UBR7: variants seen among roughly 807,000 people sequenced by gnomAD.
The protein encoded by UBR7 is ubiquitin protein ligase E3 component n-recognin 7, also known as putative E3 ubiquitin-protein ligase UBR7.
A neutral mutation model predicts 57.0 loss-of-function variants in UBR7; 22 were observed. The observed-to-expected ratio is 0.39, with a 90% CI of 0.28 to 0.55. UBR7 has a LOEUF of 0.55. UBR7 is among the 20% of genes least tolerant of loss of function. The probability of loss-of-function intolerance (pLI) is 0.69; values close to 1 mark genes in which losing one functional copy is unlikely to be tolerated. For synonymous variants in UBR7, 167 were observed against 179.8 expected (o/e 0.93, Z 0.57); for missense variants, 395 against 513.2 (o/e 0.77, Z 2.23).
Position 93,209,914 on chromosome 14 carries a change from G to C in UBR7, c.241G>C (p.Glu81Gln). The C allele has an allele frequency of 4.3e-6, 7 of 1,614,016 alleles. No individual in the cohort carries two copies. The highest frequency in any genetic ancestry group is 5.9e-6 in the Non-Finnish European group (7 of 1,179,992). ...AGGAATTTGTTTAGCTTGCAGTTAT[G>C]AATGTCATGGAAGTCACAAACTATT... is the stretch of plus-strand genomic sequence containing the variant. ...PAGICLACSYECHGSHKLFEL... is the reference protein window; with the variant it reads ...PAGICLACSYQCHGSHKLFEL... Residue 81 changes from glutamate to glutamine, a missense_variant, in exon 2 of 11, where the codon GAA (glutamate) becomes CAA (glutamine). Glu to Gln is a conservative substitution (Grantham distance 29). Coordinates refer to ENST00000013070, the MANE Select transcript of UBR7 (RefSeq NM_175748.4).
rs953160152 is a variant in UBR7, at chr14:93,223,581, G to A, written c.1185+1207G>A. The A allele has an allele frequency of 3.5e-5, 31 of 895,580 alleles. No individual in the cohort carries two copies. In the East Asian group the frequency reaches 6.5e-4, roughly 19 times the overall value. The allele number at this position is 895,580 out of a possible 1,614,324, so 55.5% of individuals were successfully genotyped here. Reference sequence around the variant, plus strand: ...TCCTGAGTTTATTTGGGGCACACCCGGGCGAGGGCCCTGCCCCTAGAAGAA... The same window carrying A: ...TCCTGAGTTTATTTGGGGCACACCCAGGCGAGGGCCCTGCCCCTAGAAGAA... On this transcript the variant is annotated intron_variant, in intron 10 of 10. Coordinates refer to ENST00000013070, the MANE Select transcript of UBR7 (RefSeq NM_175748.4).
At chr14:93,223,740 C>A in intron 10 of UBR7, 1 of 777,162 alleles carries the variant, frequency 1.3e-6, no homozygotes. Flanking sequence ...TGGCTGCGAT[C>A]TCCTTCACCT....
chr14:93,207,423 G>A lies in UBR7; in HGVS notation c.132G>A (p.Glu44=). ...ACAVLGGSDS[E]KCSYSQGSVK... ...CTGTCCTGGGCGGCAGCGACTCCGA[G>A]AAGTGCTCCTACTCTCAGGTGGGCG... The change falls in exon 1 of 11, where the codon GAG becomes GAA. Residue 44 remains glutamate (E), a synonymous_variant. Coordinates refer to ENST00000013070, the MANE Select transcript of UBR7 (RefSeq NM_175748.4). 1 of 1,555,090 alleles carries A rather than the reference G, an allele frequency of 6.4e-7. No homozygotes were observed. The highest frequency in any genetic ancestry group is 8.7e-7 in the Non-Finnish European group (1 of 1,152,146).
chr14:93,218,238 C>T (rs371604478), intron 6 of UBR7, among the ~76,000 whole-genome samples: 14 of 151,876 alleles, frequency 9.2e-5, no homozygotes, highest in East Asian at 5.8e-4. Flanking sequence ...GGCGAAACCC[C>T]GTCTCTACTA....
rs1397693502 is a variant in UBR7 at position 93,227,996 on chromosome 14, A to AT, written c.*966dup. On this transcript the variant is annotated 3_prime_UTR_variant, in exon 11 of 11. Transcript: ENST00000013070. ...GTTATTAGAACCCCAATAAATTATT[A>AT]TTTTTCCCCCTTGAATCTGCTAAAG... 5.7e-6 allele frequency: 4 copies of AT among 699,034 alleles called. No individual in the cohort carries two copies. The highest frequency in any genetic ancestry group is 1.0e-5 in the Non-Finnish European group (4 of 384,470). 43.3% of individuals were successfully genotyped at this position (699,034 alleles called of 1,614,324 possible).
intron 5 of UBR7, 86 bp from the exon 6 acceptor site, chr14:93,215,090 G>A: frequency 7.1e-7 from 1 of 1,404,758 alleles, no homozygotes; most frequent in Admixed American, 2.0e-5. Context: ...GATATGATCA[G>A]TGTATTATTA....
rs1352373316 is a variant in UBR7 at position 93,228,865 on chromosome 14, TG to T, written c.*1831del. The T allele has an allele frequency of 4.4e-6, 2 of 454,160 alleles. No individual in the cohort carries two copies. The highest frequency in any genetic ancestry group is 2.3e-5 in the Admixed American group (1 of 42,582). 28.1% of individuals were successfully genotyped at this position (454,160 alleles called of 1,614,324 possible). On this transcript the variant is annotated 3_prime_UTR_variant, in exon 11 of 11. Coordinates refer to ENST00000013070, the MANE Select transcript of UBR7 (RefSeq NM_175748.4). ...AATCAGGACCAAGTCTTGGAGGTGA[TG>T]TGTTACATTACGTGCAGCACAATAG...
At chr14:93,223,763 T>G in intron 10 of UBR7, 1 of 752,334 alleles carries the variant, frequency 1.3e-6, no homozygotes, top group Non-Finnish European at 2.4e-6. Flanking sequence ...AGGATCTCGA[T>G]GGAATGGGCC....
chr14:93,223,947 A>G (rs1018809555), intron 10 of UBR7: 2 of 732,820 alleles, frequency 2.7e-6, no homozygotes, highest in Non-Finnish European at 2.5e-6. Flanking sequence ...ACCTGCCCAC[A>G]GTAGACAATC....
At chr14:93,226,880 A>G (rs1595272601) in intron 10 of UBR7, 63 bp from the exon 11 acceptor site, 8 of 1,125,106 alleles carry the variant, frequency 7.1e-6, no homozygotes, top group Non-Finnish European at 1.1e-5. Context: ...TGTGAATGCT[A>G]TGACCTCGGA....
At chr14:93,207,656 T>A (rs1894393311) in intron 1 of UBR7, among the ~76,000 whole-genome samples, 1 of 151,828 alleles carries the variant, frequency 6.6e-6, no homozygotes, top group South Asian at 2.1e-4. Context: ...GGCCCCCCTC[T>A]CCCCTGTCTC....
At chr14:93,212,001 T>C (rs776765427) in intron 3 of UBR7, 31 bp from the exon 4 acceptor site, 11 of 1,485,926 alleles carry the variant, frequency 7.4e-6, no homozygotes, top group Middle Eastern at 1.7e-4. Context: ...AATTAGACCA[T>C]ATTATTATTG....
At chr14:93,220,222 CT>C (rs528210789) in intron 8 of UBR7, 26 bp from the exon 9 acceptor site, 252,147 of 1,356,736 alleles carry the variant, frequency 0.19, 5 homozygotes, top group Non-Finnish European at 0.19. Flanking sequence ...ACTCCTCTTT[CT>C]TTTTTTTTTT....
intron 6 of UBR7, among the ~76,000 whole-genome samples, chr14:93,217,202 T>G (rs2140102500): frequency 6.6e-6 from 1 of 152,078 alleles, no homozygotes; most frequent in East Asian, 1.9e-4. Context: ...AATTCTTCTA[T>G]TTTTAGTAGA....
At chr14:93,213,189 CAAA>C (rs1400346895) in intron 4 of UBR7, among the ~76,000 whole-genome samples, 1 of 151,958 alleles carries the variant, frequency 6.6e-6, no homozygotes, top group Non-Finnish European at 1.5e-5. Flanking sequence ...TCATATCTGC[CAAA>C]AAAGTTGTAC....
chr14:93,210,470 C>G (rs933848142), intron 2 of UBR7, among the ~76,000 whole-genome samples, 178 bp from the exon 3 acceptor site: 4 of 152,136 alleles, frequency 2.6e-5, no homozygotes, highest in Non-Finnish European at 5.9e-5. Context: ...AAACTCAAAC[C>G]ATTTATCTTT....
At chr14:93,218,256 A>T (rs1894630018) in intron 6 of UBR7, among the ~76,000 whole-genome samples, 1 of 151,812 alleles carries the variant, frequency 6.6e-6, no homozygotes, top group African/African-American at 2.4e-5. Flanking sequence ...CTAAAAATAC[A>T]AAAAATTAGC....
chr14:93,221,310 T>G (rs1894702653), intron 9 of UBR7, among the ~76,000 whole-genome samples: 3 of 152,024 alleles, frequency 2.0e-5, no homozygotes, highest in African/African-American at 4.8e-5. Flanking sequence ...GACAAGGTTT[T>G]ACCATGTTGG....
chr14:93,216,943 C>T (rs1456334456), intron 6 of UBR7, among the ~76,000 whole-genome samples: 1 of 152,046 alleles, frequency 6.6e-6, no homozygotes, highest in African/African-American at 2.4e-5. Flanking sequence ...TTAAGTGCTG[C>T]TCCCTTTCTG....
Sources: allele counts gnomAD v4.1 joint callset (sites outside exome capture counted in the v4.1 genomes callset), GRCh38; gene constraint gnomAD v4.1.1; transcripts MANE v1.5; gene names NCBI Gene and HGNC (gene_info 2026-07-23, HGNC 2026-07-21).